FAM83G: variants seen among roughly 807,000 people sequenced by gnomAD.
FAM83G encodes protein FAM83G.
A neutral mutation model predicts 61.5 loss-of-function variants in FAM83G; 38 were observed. That is an observed-to-expected ratio of 0.62 (90% CI 0.48 to 0.81). The LOEUF (loss-of-function observed/expected upper bound fraction) is 0.81. Among genes scored for constraint, FAM83G ranks in the 30% least tolerant of loss-of-function variants. FAM83G has a pLI of 0.00. For synonymous variants in FAM83G, 470 were observed against 476.1 expected (o/e 0.99, Z 0.17); for missense variants, 989 against 1,133.6 (o/e 0.87, Z 1.83).
At chr17:18,991,816 C>T (rs2043433609) in intron 2 of FAM83G, among the ~76,000 whole-genome samples, 1 of 152,240 alleles carries the variant, frequency 6.6e-6, no homozygotes, top group African/African-American at 2.4e-5. Flanking sequence ...GTGCATCTTA[C>T]TGATGGACAG....
intron 2 of FAM83G, among the ~76,000 whole-genome samples, chr17:18,991,341 C>T (rs2043419020): frequency 6.6e-6 from 1 of 152,244 alleles, no homozygotes; most frequent in African/African-American, 2.4e-5. Flanking sequence ...GGGCCCTTGG[C>T]TTCCCCATCT....
upstream of FAM83G, among the ~76,000 whole-genome samples, chr17:19,005,160 G>T (rs2043849168): frequency 2.0e-5 from 3 of 152,232 alleles, no homozygotes; most frequent in African/African-American, 4.8e-5. Flanking sequence ...CAGGTCTAGG[G>T]TACTGGGCTG....
intron 2 of FAM83G, among the ~76,000 whole-genome samples, chr17:18,995,214 C>A (rs997869371): frequency 6.6e-6 from 1 of 152,088 alleles, no homozygotes; most frequent in Non-Finnish European, 1.5e-5. Flanking sequence ...GATGTTAGAA[C>A]TGGCAGATAA....
rs570520717 is a variant in FAM83G, at chr17:18,969,617, A to T, written c.*1742T>A. 3.7e-6 allele frequency: 2 copies of T among 546,292 alleles called. No individual in the cohort carries two copies. Among genetic ancestry groups the T allele is most frequent in the East Asian group, 6.0e-5 (2 of 33,162 alleles). 33.8% of individuals were successfully genotyped at this position (546,292 alleles called of 1,614,324 possible). A position where few individuals can be genotyped will look rare whatever the true frequency, so the allele number is the denominator to read the frequency against. On this transcript the variant is annotated 3_prime_UTR_variant, in exon 6 of 6. Transcript: ENST00000388995. ...CCCCTCAGGGACTGCCCTGGCTGGT[A>T]GAGGCTACCCACCCTGCTGCCCCGC...
Position 18,971,427 on chromosome 17 carries a change from C to T in FAM83G, c.2404G>A (p.Gly802Ser), listed in dbSNP as rs200106667. 57 of 1,613,824 alleles carry T rather than the reference C, an allele frequency of 3.5e-5. No individual in the cohort carries two copies. The highest frequency in any genetic ancestry group is 4.5e-5 in the Non-Finnish European group (53 of 1,180,022). ...QSKHLKARTGGSQWASSDSKR... is the reference protein window; with the variant it reads ...QSKHLKARTGSSQWASSDSKR... ...GAATCCGATGAGGCCCACTGGCTACCGCCCGTCCTGGCCTTTAGGTGCTTC... is the reference window on the plus strand; with the variant it reads ...GAATCCGATGAGGCCCACTGGCTACTGCCCGTCCTGGCCTTTAGGTGCTTC... Residue 802 changes from glycine (G) to serine (S), a missense_variant, in exon 6 of 6, where the codon GGT becomes AGT. This residue lies in a region of FAM83G where 574 missense variants were observed against 645.1 expected (regional missense o/e 0.89). Coordinates refer to ENST00000388995, the MANE Select transcript of FAM83G (RefSeq NM_001039999.3). This position sits in a 1 kb window ranked among gnomAD's most constrained non-coding sequence, Gnocchi z 5.5.
chr17:18,978,439 C>A lies in FAM83G; in HGVS notation c.1227G>T (p.Glu409Asp). The change falls in exon 5 of 6, where the codon GAG (glutamate) becomes GAT (aspartate). Residue 409 changes from glutamate (E) to aspartate (D), a missense_variant. This residue lies in a region of FAM83G where 574 missense variants were observed against 645.1 expected (regional missense o/e 0.89). Coordinates refer to ENST00000388995, the MANE Select transcript of FAM83G (RefSeq NM_001039999.3). ...LLHLERANMF[E>D]YLPTWVEPDP... Reference sequence around the variant, plus strand: ...CTGGCTCCACCCACGTGGGCAGGTACTCAAACATGTTGGCCCTCTCCAGGT... The same window carrying A: ...CTGGCTCCACCCACGTGGGCAGGTAATCAAACATGTTGGCCCTCTCCAGGT... 1 of 1,601,930 alleles carries A rather than the reference C, an allele frequency of 6.2e-7. No homozygotes were observed. The highest frequency in any genetic ancestry group is 8.5e-7 in the Non-Finnish European group (1 of 1,174,242).
Position 18,968,976 on chromosome 17 carries a change from G to A in FAM83G, c.*2383C>T. On this transcript the variant is annotated 3_prime_UTR_variant, in exon 6 of 6. Coordinates refer to ENST00000388995, the MANE Select transcript of FAM83G (RefSeq NM_001039999.3). The surrounding 1 kb of genome is among the most constrained non-coding windows in gnomAD (Gnocchi z 4.1). The stretch of plus-strand genomic sequence containing the variant: ...GCCACCGAGGCCCAGAGAGGGCCTT[G>A]CCCGAGGTCACCCAGGGAGTGGCTT... 1 of 1,462,256 alleles carries A rather than the reference G, an allele frequency of 6.8e-7. No homozygotes were observed. The highest frequency in any genetic ancestry group is 1.4e-5 in the African/African-American group (1 of 71,760). The allele number at this position is 1,462,256 out of a possible 1,614,324, so 90.6% of individuals were successfully genotyped here. A position where few individuals can be genotyped will look rare whatever the true frequency, so the allele number is the denominator to read the frequency against.
intron 3 of FAM83G, among the ~76,000 whole-genome samples, chr17:18,981,323 G>A (rs1356037774): frequency 6.6e-6 from 1 of 152,144 alleles, no homozygotes; most frequent in East Asian, 1.9e-4. Flanking sequence ...CTCAGGGGAG[G>A]AGGGGTGGGT....
rs1487747698 is a variant in FAM83G at position 19,003,223 on chromosome 17, C to A, written c.522+297G>T. 6.6e-6 allele frequency among the ~76,000 whole-genome samples: 1 copy of A among 151,216 alleles called. No homozygotes were observed. Among genetic ancestry groups the A allele is most frequent in the Non-Finnish European group, 1.5e-5 (1 of 67,746 alleles). ...TGGGGTTCCTCCCCTCCCCACTCCA[C>A]CCTATCTCGGTGCCTTCTTCTGGGG... On this transcript the variant is annotated intron_variant, in intron 2 of 5. Coordinates refer to ENST00000388995, the MANE Select transcript of FAM83G (RefSeq NM_001039999.3). This position sits in a 1 kb window ranked among gnomAD's most constrained non-coding sequence, Gnocchi z 4.5.
intron 2 of FAM83G, among the ~76,000 whole-genome samples, chr17:18,997,165 A>AG (rs2152137819): frequency 6.6e-6 from 1 of 152,376 alleles, no homozygotes; most frequent in African/African-American, 2.4e-5. Context: ...CAAGAAGCCC[A>AG]GGCTAATCAT....
At chr17:18,973,037 T>C (rs1422285286) in intron 5 of FAM83G, among the ~76,000 whole-genome samples, 3 of 152,214 alleles carry the variant, frequency 2.0e-5, no homozygotes, top group Non-Finnish European at 4.4e-5. Context: ...GGGAGGGCTT[T>C]CCAGGGAACA....
chr17:18,972,484 G>A (rs1474739271), intron 5 of FAM83G, among the ~76,000 whole-genome samples: 6 of 152,158 alleles, frequency 3.9e-5, no homozygotes, highest in Non-Finnish European at 7.3e-5. Flanking sequence ...TGACTTTTCC[G>A]TGGTTCCCGA....
At position 19,000,190 on chromosome 17, in the gene FAM83G, C is replaced by T. The variant is rs2043694244; in HGVS notation, c.522+3330G>A. Among the ~76,000 whole-genome samples, 1 of 152,178 alleles carries T rather than the reference C, an allele frequency of 6.6e-6. No homozygotes were observed. On this transcript the variant is annotated intron_variant, in intron 2 of 5. Coordinates refer to ENST00000388995, the MANE Select transcript of FAM83G (RefSeq NM_001039999.3). The surrounding 1 kb of genome is among the most constrained non-coding windows in gnomAD (Gnocchi z 5.2). ...GGCTAGGGGAGGGGCAGGCAGTTGACCTTCCATCTTGGAGTAGGAGCCCAC... is the reference window on the plus strand; with the variant it reads ...GGCTAGGGGAGGGGCAGGCAGTTGATCTTCCATCTTGGAGTAGGAGCCCAC...
At chr17:19,006,025 T>C (rs150908906), upstream of FAM83G, among the ~76,000 whole-genome samples, 11 of 152,274 alleles carry the variant, frequency 7.2e-5, no homozygotes, top group East Asian at 2.1e-3. Context: ...TTCTTACCAA[T>C]GCACAGAGGC....
At chr17:18,983,261 C>G (rs1206242361) in intron 3 of FAM83G, among the ~76,000 whole-genome samples, 4 of 152,226 alleles carry the variant, frequency 2.6e-5, no homozygotes, top group Non-Finnish European at 5.9e-5. Context: ...TTAATTTCAC[C>G]CTCACACAAC....
At position 19,003,964 on chromosome 17, in the gene FAM83G, G is replaced by T. The variant is rs771104476; in HGVS notation, c.78C>A (p.Phe26Leu). 5 of 1,612,752 alleles carry T rather than the reference G, an allele frequency of 3.1e-6. No individual in the cohort carries two copies. In the African/African-American group the frequency reaches 5.3e-5, roughly 17 times the overall value. ...GCGCCAGCCGCTGCTCCTCGCTGTAGAAGAACTCAGGCTTGGACTCGCTGG... is the reference window on the plus strand; with the variant it reads ...GCGCCAGCCGCTGCTCCTCGCTGTATAAGAACTCAGGCTTGGACTCGCTGG... ...WRSSESKPEF[F>L]YSEEQRLALE... The change falls in exon 2 of 6, where the codon TTC (phenylalanine) becomes TTA (leucine). Residue 26 changes from phenylalanine to leucine, a missense_variant. Around this residue, in one of 3 missense-constraint regions of FAM83G, gnomAD observed 371 missense variants for 404.5 expected, o/e 0.92. Coordinates refer to ENST00000388995, the MANE Select transcript of FAM83G (RefSeq NM_001039999.3). The surrounding 1 kb of genome is among the most constrained non-coding windows in gnomAD (Gnocchi z 4.5).
intron 5 of FAM83G, among the ~76,000 whole-genome samples, chr17:18,973,761 C>T (rs556741601): frequency 6.6e-5 from 10 of 151,820 alleles, no homozygotes; most frequent in African/African-American, 2.4e-4. Context: ...GCAGTGGCAC[C>T]ATCTCGGCTC....
chr17:18,976,937 C>T, intron 5 of FAM83G: 2 of 1,613,418 alleles, frequency 1.2e-6, no homozygotes, highest in Non-Finnish European at 8.5e-7. Context: ...TCAAGATGCT[C>T]CCCATGGGCC....
intron 3 of FAM83G, among the ~76,000 whole-genome samples, chr17:18,984,809 G>T (rs1483385021): frequency 6.6e-6 from 1 of 152,364 alleles, no homozygotes; most frequent in African/African-American, 2.4e-5. Flanking sequence ...GTCAGTGAAA[G>T]TTCTGGCCCT....
Sources: gnomAD v4.1 joint callset for allele counts (sites outside exome capture counted in the v4.1 genomes callset) on GRCh38, gnomAD v4.1.1 for gene constraint, gnomAD v4.1.1 regional missense constraint, Gnocchi (gnomAD v3.1) non-coding constraint, MANE v1.5 for transcripts, NCBI Gene and HGNC (gene_info 2026-07-23, HGNC 2026-07-21) for gene names.